Variants in GALNT12 observed in about 807,000 individuals in gnomAD.
GALNT12 encodes polypeptide N-acetylgalactosaminyltransferase 12, also known as UDP-GalNAc:polypeptide N-acetylgalactosaminyltransferase 12.
GALNT12 carries 45 observed loss-of-function variants against 55.5 expected under a neutral mutation model. That is an observed-to-expected ratio of 0.81 (90% CI 0.64 to 1.04). The LOEUF is 1.04. GALNT12 is among the 50% of genes least tolerant of loss of function. The probability of loss-of-function intolerance (pLI) is 0.00; values close to 1 mark genes in which losing one functional copy is unlikely to be tolerated. For synonymous variants in GALNT12, 304 were observed against 312.2 expected, an observed-to-expected ratio of 0.97 and a Z score of 0.28; for missense variants, 709 against 754.8, an observed-to-expected ratio of 0.94 and a Z score of 0.71.
chr9:98,826,384 TC>T (rs1835857020), intron 2 of GALNT12, among the ~76,000 whole-genome samples: 1 of 152,262 alleles, frequency 6.6e-6, no homozygotes, highest in Admixed American at 6.5e-5. Flanking sequence ...ATTAGATGGT[TC>T]ACGTGTTTTT....
chr9:98,845,967 C>T lies in GALNT12; in HGVS notation c.1459-10C>T, dbSNP rs536735094. On this transcript the variant is annotated splice_polypyrimidine_tract_variant and intron_variant, in intron 8 of 9. Transcript: ENST00000375011. ...AATGTTGTGTTACATGTTGGCTGCC[C>T]CATTTTTAGTTTTTCGAGTACACGT... The T allele has an allele frequency of 6.2e-7, 1 of 1,614,006 alleles. No individual in the cohort carries two copies.
At chr9:98,822,073 T>A (rs1251123138) in intron 1 of GALNT12, among the ~76,000 whole-genome samples, 1 of 152,216 alleles carries the variant, frequency 6.6e-6, no homozygotes, top group Non-Finnish European at 1.5e-5. Flanking sequence ...TCAGTTTCCC[T>A]CCTCCTCCTG....
chr9:98,848,820 A>T, intron 9 of GALNT12, 132 bp from the exon 10 acceptor site: 3 of 1,054,882 alleles, frequency 2.8e-6, no homozygotes, highest in Admixed American at 4.0e-5. Flanking sequence ...TTGCTGCGTT[A>T]CACGGAAGAC....
chr9:98,831,431 C>G (rs1170724624), intron 3 of GALNT12, among the ~76,000 whole-genome samples: 1 of 152,194 alleles, frequency 6.6e-6, no homozygotes, highest in Non-Finnish European at 1.5e-5. Context: ...ATAAGTATTT[C>G]TTGATGTTAA....
intron 3 of GALNT12, among the ~76,000 whole-genome samples, chr9:98,828,824 C>T (rs1470794872): frequency 1.3e-5 from 2 of 151,920 alleles, no homozygotes; most frequent in African/African-American, 4.8e-5. Context: ...ATAATCCACT[C>T]ATACTCTTTT....
At chr9:98,808,934 A>T (rs1835435774) in intron 1 of GALNT12, among the ~76,000 whole-genome samples, 1 of 152,142 alleles carries the variant, frequency 6.6e-6, no homozygotes, top group Admixed American at 6.5e-5. Context: ...GGAAAAGAGG[A>T]CTCAGAGAGG....
chr9:98,846,184 G>A (rs1044710747), intron 9 of GALNT12, 61 bp downstream of exon 9: 43 of 1,589,674 alleles, frequency 2.7e-5, no homozygotes, highest in Non-Finnish European at 8.6e-6. Context: ...GAGAGTGTGA[G>A]AGTCAGACGT....
At chr9:98,848,846 A>T in intron 9 of GALNT12, 106 bp from the exon 10 acceptor site, 1 of 1,352,256 alleles carries the variant, frequency 7.4e-7, no homozygotes, top group Non-Finnish European at 1.0e-6. Context: ...CCCCTCAATA[A>T]ATATTTCTGA....
At chr9:98,846,173 G>A in intron 9 of GALNT12, 50 bp downstream of exon 9, 6 of 1,607,422 alleles carry the variant, frequency 3.7e-6, no homozygotes, top group Non-Finnish European at 5.1e-6. Context: ...GGGCTATAAG[G>A]GAGAGTGTGA....
At chr9:98,831,606 G>A (rs1835995576) in intron 3 of GALNT12, 166 bp from the exon 4 acceptor site, 1 of 305,622 alleles carries the variant, frequency 3.3e-6, no homozygotes, top group Non-Finnish European at 4.8e-6. Context: ...TCACCTGCCA[G>A]GGCTCTGACA....
intron 7 of GALNT12, among the ~76,000 whole-genome samples, chr9:98,841,216 AT>A (rs1184921790): frequency 1.3e-5 from 2 of 151,814 alleles, no homozygotes; most frequent in Non-Finnish European, 2.9e-5. Flanking sequence ...TGCAATTGCT[AT>A]TTTTTTCTTT....
chr9:98,842,157 G>A (rs866303429), intron 7 of GALNT12, among the ~76,000 whole-genome samples: 5 of 151,160 alleles, frequency 3.3e-5, no homozygotes, highest in African/African-American at 7.3e-5. Flanking sequence ...TTAAATAGCC[G>A]GTGTGCTTCA....
chr9:98,843,034 T>C (rs1305539705), intron 7 of GALNT12, among the ~76,000 whole-genome samples: 1 of 152,224 alleles, frequency 6.6e-6, no homozygotes, highest in East Asian at 1.9e-4. Context: ...CCACATGAAA[T>C]AGCACAGCTC....
chr9:98,832,827 T>C (rs935220372), intron 4 of GALNT12, among the ~76,000 whole-genome samples: 2 of 152,226 alleles, frequency 1.3e-5, no homozygotes, highest in Admixed American at 6.5e-5. Context: ...GTAATATTCC[T>C]TTGTACATAT....
intron 4 of GALNT12, 79 bp downstream of exon 4, chr9:98,832,036 G>A (rs1003179544): frequency 4.3e-5 from 53 of 1,246,036 alleles, no homozygotes; most frequent in African/African-American, 1.6e-4. Flanking sequence ...GGAGGCCCTC[G>A]GGAGGAATGG....
intron 5 of GALNT12, 27 bp downstream of exon 5, chr9:98,835,393 C>A: frequency 1.5e-6 from 2 of 1,360,572 alleles, no homozygotes; most frequent in Non-Finnish European, 2.1e-6. Context: ...TCTCTTTGGA[C>A]ATGTTCTTAA....
chr9:98,807,729 C>G lies in GALNT12; in HGVS notation c.31C>G (p.Pro11Ala). Reference protein sequence around the residue: MWGRTARRRCPRELRRGREAL... With the variant: MWGRTARRRCARELRRGREAL... ...GGGGCGCACGGCGCGGCGGCGCTGCCCGCGGGAACTGCGGCGCGGCCGGGA... is the reference window on the plus strand; with the variant it reads ...GGGGCGCACGGCGCGGCGGCGCTGCGCGCGGGAACTGCGGCGCGGCCGGGA... Residue 11 changes from proline to alanine, a missense_variant, in exon 1 of 10, where the codon CCG becomes GCG. By Grantham distance (27) the Pro-to-Ala change is conservative. This residue lies in a region of GALNT12 where 110 missense variants were observed against 102.2 expected (regional missense o/e 1.08). Transcript: ENST00000375011. 8.4e-7 allele frequency: 1 copy of G among 1,186,528 alleles called. No individual in the cohort carries two copies. Among genetic ancestry groups the G allele is most frequent in the Non-Finnish European group, 1.0e-6 (1 of 955,090 alleles). The allele number at this position is 1,186,528 out of a possible 1,614,324, so 73.5% of individuals were successfully genotyped here. A position where few individuals can be genotyped will look rare whatever the true frequency, so the allele number is the denominator to read the frequency against.
chr9:98,824,653 AGGCATT>A (rs1835820189), intron 2 of GALNT12, among the ~76,000 whole-genome samples: 1 of 152,134 alleles, frequency 6.6e-6, no homozygotes, highest in Non-Finnish European at 1.5e-5. Context: ...ATAGCCTAGA[AGGCATT>A]GGGTTCTGGG....
chr9:98,834,797 T>G (rs1836094232), intron 4 of GALNT12, among the ~76,000 whole-genome samples: 1 of 152,220 alleles, frequency 6.6e-6, no homozygotes, highest in Non-Finnish European at 1.5e-5. Flanking sequence ...CTCTTGCTTC[T>G]CTCTTCTCCT....
Sources: allele counts gnomAD v4.1 joint callset (sites outside exome capture counted in the v4.1 genomes callset), GRCh38; gene constraint gnomAD v4.1.1; regional missense constraint gnomAD v4.1.1; transcripts MANE v1.5; gene names NCBI Gene and HGNC (gene_info 2026-07-23, HGNC 2026-07-21).